The following MYO3B variants were observed in gnomAD, a reference collection of about 807,000 sequenced individuals.
The protein encoded by MYO3B is myosin IIIB.
In MYO3B, 156 loss-of-function variants were observed where a neutral mutation model predicts 174.6. That is an observed-to-expected ratio of 0.89 (90% confidence interval 0.78 to 1.02). The LOEUF is 1.02. Ranked by LOEUF, MYO3B falls within the 50% of genes least tolerant of loss-of-function variation. MYO3B has a pLI of 0.00. For missense variants in MYO3B, 1,632 were observed against 1,639.4 expected (o/e 1.00, Z 0.08); for synonymous variants, 563 against 569.1 (o/e 0.99, Z 0.15).
intron 8 of MYO3B, among the ~76,000 whole-genome samples, chr2:170,338,891 A>G (rs1424326456): frequency 2.0e-5 from 3 of 152,188 alleles, no homozygotes; most frequent in Non-Finnish European, 4.4e-5. Context: ...GGTGTGAGCC[A>G]CTGAGCCCAG....
intron 32 of MYO3B, among the ~76,000 whole-genome samples, chr2:170,636,108 T>A (rs568782945): frequency 6.9e-4 from 105 of 152,330 alleles, no homozygotes; most frequent in Non-Finnish European, 1.0e-4. Flanking sequence ...CCCCATACTT[T>A]AGATCTGACA....
chr2:170,352,854 A>G (rs1185938656), intron 8 of MYO3B, among the ~76,000 whole-genome samples: 1 of 152,238 alleles, frequency 6.6e-6, no homozygotes, highest in Non-Finnish European at 1.5e-5. Context: ...TTCAACAATG[A>G]GATACCACTA....
chr2:170,528,130 G>C (rs2106163302), intron 30 of MYO3B, among the ~76,000 whole-genome samples: 1 of 152,358 alleles, frequency 6.6e-6, no homozygotes, highest in South Asian at 2.1e-4. Context: ...AATTAAACAA[G>C]TGAAGGGAGA....
intron 25 of MYO3B, among the ~76,000 whole-genome samples, chr2:170,483,671 T>C (rs879525702): frequency 2.4e-4 from 36 of 152,160 alleles, no homozygotes; most frequent in Non-Finnish European, 4.7e-4. Context: ...CAAATATCAG[T>C]GGGGCTAACT....
At chr2:170,389,529 A>C (rs1214445456) in intron 14 of MYO3B, among the ~76,000 whole-genome samples, 1 of 152,220 alleles carries the variant, frequency 6.6e-6, no homozygotes, top group African/African-American at 2.4e-5. Context: ...ATCTTGACAG[A>C]TAAAGGGATG....
At chr2:170,242,787 G>A (rs2093148787) in intron 7 of MYO3B, among the ~76,000 whole-genome samples, 1 of 152,154 alleles carries the variant, frequency 6.6e-6, no homozygotes, top group South Asian at 2.1e-4. Flanking sequence ...ACTGACTGTG[G>A]CTAATTCCAA....
chr2:170,520,050 C>G (rs1688576870), intron 30 of MYO3B: 2 of 152,678 alleles, frequency 1.3e-5, no homozygotes, highest in African/African-American at 4.8e-5. Flanking sequence ...GTGAACACAA[C>G]CCTACTTTTT....
At chr2:170,214,246 TC>T in intron 3 of MYO3B, 132 bp from the exon 4 acceptor site, 2 of 630,198 alleles carry the variant, frequency 3.2e-6, no homozygotes, top group Non-Finnish European at 5.5e-6. Context: ...GTCTGAGTAT[TC>T]CAAGCTGGAG....
intron 16 of MYO3B, among the ~76,000 whole-genome samples, chr2:170,399,282 G>A (rs1422912685): frequency 1.6e-5 from 2 of 125,894 alleles, no homozygotes; most frequent in African/African-American, 5.5e-5. Context: ...AGACCAGTCT[G>A]GCCAACAGGG....
At chr2:170,199,001 G>C (rs2092631111) in intron 1 of MYO3B, among the ~76,000 whole-genome samples, 1 of 152,132 alleles carries the variant, frequency 6.6e-6, no homozygotes, top group Non-Finnish European at 1.5e-5. Flanking sequence ...GGATGTTTCA[G>C]AGCCATGTTA....
At chr2:170,231,300 G>T (rs1292640631) in intron 6 of MYO3B, among the ~76,000 whole-genome samples, 1 of 152,188 alleles carries the variant, frequency 6.6e-6, no homozygotes, top group African/African-American at 2.4e-5. Flanking sequence ...ATAATGACTA[G>T]CCTTTGCTCC....
intron 32 of MYO3B, among the ~76,000 whole-genome samples, chr2:170,603,064 G>A (rs991007765): frequency 6.6e-6 from 1 of 151,960 alleles, no homozygotes; most frequent in Non-Finnish European, 1.5e-5. Context: ...GCGAAACTCT[G>A]TCTCACAAAA....
chr2:170,419,256 CTCTT>C (rs1446321616), intron 22 of MYO3B, among the ~76,000 whole-genome samples: 3 of 152,190 alleles, frequency 2.0e-5, no homozygotes, highest in Non-Finnish European at 4.4e-5. Flanking sequence ...GTCTAGGAAA[CTCTT>C]TATTTTATCT....
chr2:170,394,034 G>T (rs938636271), intron 16 of MYO3B, among the ~76,000 whole-genome samples: 1 of 152,126 alleles, frequency 6.6e-6, no homozygotes, highest in South Asian at 2.1e-4. Flanking sequence ...GTACGCAGGG[G>T]CACATGTCCT....
intron 6 of MYO3B, among the ~76,000 whole-genome samples, chr2:170,227,364 G>A (rs964099933): frequency 4.6e-5 from 7 of 152,048 alleles, no homozygotes; most frequent in African/African-American, 7.2e-5. Flanking sequence ...GGCTCACTGC[G>A]ACCTCCACCT....
chr2:170,201,853 G>T (rs192453101), intron 3 of MYO3B, among the ~76,000 whole-genome samples: 32 of 152,176 alleles, frequency 2.1e-4, no homozygotes, highest in African/African-American at 7.7e-4. Context: ...TTTAAACCTC[G>T]TTGTAACTTA....
chr2:170,404,451 TGTGTCATCAA>T, intron 20 of MYO3B, 51 bp downstream of exon 20: 1 of 1,537,092 alleles, frequency 6.5e-7, no homozygotes, highest in South Asian at 1.3e-5. Flanking sequence ...AAACTTGGCT[TGTGTCATCAA>T]TTGAGTGTAC....
chr2:170,277,753 C>T (rs1204221060), intron 7 of MYO3B, among the ~76,000 whole-genome samples: 1 of 152,088 alleles, frequency 6.6e-6, no homozygotes, highest in Non-Finnish European at 1.5e-5. Context: ...AGAATGCAAT[C>T]TGTTGAAATC....
rs960387015 is a variant in MYO3B at position 170,335,399 on chromosome 2, C to T, written c.764C>T (p.Thr255Ile). Residue 255 changes from threonine to isoleucine, a missense_variant, in exon 8 of 35, where the codon ACT becomes ATT. Thr to Ile is a moderately conservative substitution (Grantham distance 89). Transcript: ENST00000408978. ...TATTTTTTCAGAAATCCTCCACCTA[C>T]TTTACTTCATCCAGAAAAATGGTGT... is the stretch of plus-strand genomic sequence containing the variant. ...LFKIPRNPPPTLLHPEKWCEE... is the reference protein window; with the variant it reads ...LFKIPRNPPPILLHPEKWCEE... 3 of 1,611,196 alleles carry T rather than the reference C, an allele frequency of 1.9e-6. No individual in the cohort carries two copies. The highest frequency in any genetic ancestry group is 2.5e-6 in the Non-Finnish European group (3 of 1,178,668).
Sources: allele counts gnomAD v4.1 joint callset (sites outside exome capture counted in the v4.1 genomes callset), GRCh38; gene constraint gnomAD v4.1.1; transcripts MANE v1.5; gene names NCBI Gene and HGNC (gene_info 2026-07-23, HGNC 2026-07-21).